The following CSNK2A1 variants were observed in gnomAD, a reference collection of about 807,000 sequenced individuals.
The protein encoded by CSNK2A1 is casein kinase 2 alpha 1, also known as casein kinase II subunit alpha.
In CSNK2A1, 10 loss-of-function variants were observed where a neutral mutation model predicts 62.9. That is an observed-to-expected ratio of 0.16 (90% CI 0.10 to 0.27). The LOEUF (loss-of-function observed/expected upper bound fraction) is 0.27. Ranked by LOEUF, CSNK2A1 falls within the 10% of genes least tolerant of loss-of-function variation. CSNK2A1 has a pLI of 1.00. For missense variants in CSNK2A1, 160 were observed against 492.0 expected, an observed-to-expected ratio of 0.33 and a Z score of 6.38; for synonymous variants, 124 against 167.8, an observed-to-expected ratio of 0.74 and a Z score of 2.02.
chr20:534,735 T>G lies in CSNK2A1; in HGVS notation c.-226-6686A>C, dbSNP rs552059089. ...GGTCCTTAGCTGTGGTGTTTAAAAA[T>G]TCTTCAGACCAGGCTGGGTGCAGTG... On this transcript the variant is annotated intron_variant, in intron 1 of 13. Coordinates refer to ENST00000217244, the MANE Select transcript of CSNK2A1 (RefSeq NM_177559.3). Among the ~76,000 whole-genome samples the G allele has an allele frequency of 9.7e-4, 147 of 152,038 alleles. 1 individual carries two copies. Among genetic ancestry groups the G allele is most frequent in the Middle Eastern group, 3.4e-3 (1 of 294 alleles).
intron 9 of CSNK2A1, among the ~76,000 whole-genome samples, chr20:491,546 C>CT: frequency 6.6e-6 from 1 of 152,040 alleles, no homozygotes; most frequent in East Asian, 1.9e-4. Context: ...TAGTGCACGC[C>CT]TGTAGTCCCA....
intron 2 of CSNK2A1, among the ~76,000 whole-genome samples, chr20:518,572 A>T (rs1175074343): frequency 6.6e-6 from 1 of 151,962 alleles, no homozygotes; most frequent in Admixed American, 6.6e-5. Flanking sequence ...TTTGAGACAG[A>T]GTCTCGCTCT....
chr20:542,399 AAG>A (rs2019469320), intron 1 of CSNK2A1, among the ~76,000 whole-genome samples: 2 of 152,198 alleles, frequency 1.3e-5, no homozygotes, highest in Non-Finnish European at 2.9e-5. Context: ...AGATGGAATG[AAG>A]TCTCCAATTC....
chr20:534,988 C>T (rs916345783), intron 1 of CSNK2A1, among the ~76,000 whole-genome samples: 11 of 126,482 alleles, frequency 8.7e-5, no homozygotes, highest in Non-Finnish European at 4.7e-5. Context: ...GAGCCAAGGT[C>T]GTGCCACTGC....
intron 2 of CSNK2A1, among the ~76,000 whole-genome samples, chr20:510,723 ATCT>A (rs769639816): frequency 3.1e-4 from 47 of 151,996 alleles, no homozygotes; most frequent in Non-Finnish European, 5.9e-4. Flanking sequence ...TTTTGTTGAA[ATCT>A]TCTTATTTGA....
At chr20:503,401 T>C (rs1489043856) in intron 4 of CSNK2A1, 4 of 398,226 alleles carry the variant, frequency 1.0e-5, no homozygotes, top group African/African-American at 8.2e-5. Context: ...AACCTAGTTC[T>C]CTTTCTACAT....
At chr20:522,907 C>T (rs2018981385) in intron 2 of CSNK2A1, among the ~76,000 whole-genome samples, 1 of 152,114 alleles carries the variant, frequency 6.6e-6, no homozygotes, top group African/African-American at 2.4e-5. Context: ...AACGCCTGGC[C>T]TCAAGCAATC....
At chr20:530,378 A>G (rs1394932976) in intron 1 of CSNK2A1, among the ~76,000 whole-genome samples, 5 of 151,964 alleles carry the variant, frequency 3.3e-5, no homozygotes, top group African/African-American at 9.7e-5. Context: ...TTGTCCATTC[A>G]CTGACAGATA....
intron 1 of CSNK2A1, among the ~76,000 whole-genome samples, chr20:530,246 C>T (rs1160602475): frequency 6.6e-6 from 1 of 152,158 alleles, no homozygotes; most frequent in Non-Finnish European, 1.5e-5. Context: ...TAAATGGAAT[C>T]ATGCAATATG....
chr20:495,818 G>T lies in CSNK2A1; in HGVS notation c.427-16C>A, dbSNP rs1379225648. 2 of 1,610,256 alleles carry T rather than the reference G, an allele frequency of 1.2e-6. No individual in the cohort carries two copies. The highest frequency in any genetic ancestry group is 1.7e-6 in the Non-Finnish European group (2 of 1,176,526). The stretch of plus-strand genomic sequence containing the variant: ...AATCCAGGGCCTGTGGGATGAACGG[G>T]TCAGAAAGGAGTTAGCCTGAATAAT... On this transcript the variant is annotated splice_polypyrimidine_tract_variant and intron_variant, in intron 7 of 13. Transcript: ENST00000217244.
In CSNK2A1 at chr20:478,548, G is replaced by A. The variant is rs2017893941; in HGVS notation, c.*5413C>T. On this transcript the variant is annotated 3_prime_UTR_variant, in exon 14 of 14. Transcript: ENST00000217244. ...GACTCAGAAATACTCAATCCCCCCAGGAACTTCTCTAAGAAATGGACTGAC... is the reference window on the plus strand; with the variant it reads ...GACTCAGAAATACTCAATCCCCCCAAGAACTTCTCTAAGAAATGGACTGAC... The A allele has an allele frequency of 9.7e-6, 3 of 309,152 alleles. No individual in the cohort carries two copies. Among genetic ancestry groups the A allele is most frequent in the South Asian group, 7.0e-5 (3 of 42,916 alleles). 19.2% of individuals were successfully genotyped at this position (309,152 alleles called of 1,614,324 possible). A position where few individuals can be genotyped will look rare whatever the true frequency, so the allele number is the denominator to read the frequency against.
intron 9 of CSNK2A1, among the ~76,000 whole-genome samples, chr20:491,361 G>A (rs547407237): frequency 4.2e-4 from 64 of 152,286 alleles, no homozygotes; most frequent in African/African-American, 1.5e-3. Context: ...AATTTACTCT[G>A]AAGATTGGTT....
intron 1 of CSNK2A1, among the ~76,000 whole-genome samples, chr20:532,330 A>ATTTTT (rs138287291): frequency 1.3e-4 from 16 of 122,004 alleles, no homozygotes; most frequent in Non-Finnish European, 1.8e-4. Context: ...TGCCCGGCTA[A>ATTTTT]TTTTTTTTTT....
intron 1 of CSNK2A1, among the ~76,000 whole-genome samples, chr20:537,978 T>C (rs1176827571): frequency 6.6e-6 from 1 of 151,878 alleles, no homozygotes; most frequent in Non-Finnish European, 1.5e-5. Context: ...TTTTTTTTTT[T>C]TGAGACGGAG....
At chr20:489,498 T>C (rs1319863146) in intron 10 of CSNK2A1, 6 of 405,056 alleles carry the variant, frequency 1.5e-5, no homozygotes, top group Admixed American at 8.2e-5. Context: ...GAAAACACCA[T>C]ATTGGAGATA....
rs536044307 is a variant in CSNK2A1, at chr20:541,866, T to C, written c.-227+1806A>G. ...CTTCAAGTCATACACCCTCCCGCAA[T>C]AGCAAACCAAAGCCAAGTATTTCAA... On this transcript the variant is annotated intron_variant, in intron 1 of 13. Coordinates refer to ENST00000217244, the MANE Select transcript of CSNK2A1 (RefSeq NM_177559.3). 2.5e-4 allele frequency among the ~76,000 whole-genome samples: 38 copies of C among 152,232 alleles called. No individual in the cohort carries two copies. In the South Asian group the frequency reaches 5.6e-3, roughly 22 times the overall value.
chr20:515,217 T>C (rs964799500), intron 2 of CSNK2A1, among the ~76,000 whole-genome samples: 2 of 152,148 alleles, frequency 1.3e-5, no homozygotes, highest in African/African-American at 4.8e-5. Context: ...TGGTGTAAAA[T>C]CAATAGCTCT....
rs1465754343 is a variant in CSNK2A1, at chr20:482,940, G to A, written c.*1021C>T. The A allele has an allele frequency of 2.0e-5, 3 of 152,660 alleles. No homozygotes were observed. Among genetic ancestry groups the A allele is most frequent in the Non-Finnish European group, 2.9e-5 (2 of 68,076 alleles). 9.5% of individuals were successfully genotyped at this position (152,660 alleles called of 1,614,324 possible). A position where few individuals can be genotyped will look rare whatever the true frequency, so the allele number is the denominator to read the frequency against. ...CAGGTCTTCTCACTGGATGGCATGT[G>A]AGGGAAGGGGACGGTCGGAGGAAAA... On this transcript the variant is annotated 3_prime_UTR_variant, in exon 14 of 14. Transcript: ENST00000217244.
In CSNK2A1 at chr20:478,830, G is replaced by C; in HGVS notation, c.*5131C>G. 1 of 275,414 alleles carries C rather than the reference G, an allele frequency of 3.6e-6. No individual in the cohort carries two copies. The highest frequency in any genetic ancestry group is 2.8e-5 in the South Asian group (1 of 35,474). The allele number at this position is 275,414 out of a possible 1,614,324, so 17.1% of individuals were successfully genotyped here. A position where few individuals can be genotyped will look rare whatever the true frequency, so the allele number is the denominator to read the frequency against. ...GTGCCTGTAGTCCCTGGAAGGCTGA[G>C]TTGGGAGGATCACCTGAGCCTGGGA... On this transcript the variant is annotated 3_prime_UTR_variant, in exon 14 of 14. Transcript: ENST00000217244.
Sources: allele counts gnomAD v4.1 joint callset (sites outside exome capture counted in the v4.1 genomes callset), GRCh38; gene constraint gnomAD v4.1.1; transcripts MANE v1.5; gene names NCBI Gene and HGNC (gene_info 2026-07-23, HGNC 2026-07-21).